Variants in SYN3 observed in about 807,000 individuals in gnomAD.
The protein encoded by SYN3 is synapsin-3.
SYN3 carries 35 observed loss-of-function variants against 65.8 expected under a neutral mutation model. The ratio of observed to expected loss-of-function variants is 0.53; its 90% CI spans 0.41 to 0.70. The LOEUF (loss-of-function observed/expected upper bound fraction) is 0.70, where lower values mean the gene tolerates loss of function less well. Ranked by LOEUF, SYN3 falls within the 30% of genes least tolerant of loss-of-function variation. SYN3 has a pLI of 0.00. For synonymous variants in SYN3, 270 were observed against 292.9 expected (o/e 0.92, Z 0.80); for missense variants, 680 against 749.0 (o/e 0.91, Z 1.08).
intron 6 of SYN3, chr22:32,857,502 T>G: frequency 1.4e-6 from 1 of 725,448 alleles, no homozygotes; most frequent in Non-Finnish European, 2.5e-6. Context: ...TCATCCCACT[T>G]ACCCAGTGCT....
chr22:32,695,639 A>G (rs2060725866), intron 6 of SYN3, among the ~76,000 whole-genome samples: 1 of 152,128 alleles, frequency 6.6e-6, no homozygotes, highest in African/African-American at 2.4e-5. Flanking sequence ...TCTGCTGACA[A>G]GCTGCAAGGC....
At position 33,050,047 on chromosome 22, in the gene SYN3, T is replaced by TA. The variant is rs11366864; in HGVS notation, c.-163+8244dup. The stretch of plus-strand genomic sequence containing the variant: ...TGAGTGTTGTTGTTTTATTTTTTCT[T>TA]AAAAAAAAAAGTTATAAAAATACAA... On this transcript the variant is annotated intron_variant, in intron 1 of 13. Transcript: ENST00000358763. Among the ~76,000 whole-genome samples, 296 of 150,170 alleles carry TA rather than the reference T, an allele frequency of 2.0e-3. 3 individuals carry two copies. The highest frequency in any genetic ancestry group is 6.1e-3 in the African/African-American group (250 of 41,016).
intron 6 of SYN3, 123 bp from the exon 7 acceptor site, chr22:32,596,859 C>T: frequency 1.0e-6 from 1 of 986,538 alleles, no homozygotes. Flanking sequence ...CACAAGAATG[C>T]TTCGACAGAT....
rs916006159 is a variant in SYN3 at position 32,917,148 on chromosome 22, A to C, written c.461+14242T>G. 3.9e-5 allele frequency among the ~76,000 whole-genome samples: 6 copies of C among 152,312 alleles called. 1 individual carries two copies. The highest frequency in any genetic ancestry group is 1.9e-4 in the East Asian group (1 of 5,176). ...CATTTAGTCCTCAAAAAGAGGCATTATTTCCATTTTACAGTTAAGGAACCT... is the reference window on the plus strand; with the variant it reads ...CATTTAGTCCTCAAAAAGAGGCATTCTTTCCATTTTACAGTTAAGGAACCT... On this transcript the variant is annotated intron_variant, in intron 4 of 13. Coordinates refer to ENST00000358763, the MANE Select transcript of SYN3 (RefSeq NM_003490.4).
intron 6 of SYN3, among the ~76,000 whole-genome samples, chr22:32,604,722 A>G (rs927862883): frequency 2.0e-5 from 3 of 152,126 alleles, no homozygotes; most frequent in Admixed American, 1.3e-4. Flanking sequence ...TTATACATTC[A>G]TGACTGGGCG....
intron 7 of SYN3, among the ~76,000 whole-genome samples, chr22:32,551,754 T>G (rs534113173): frequency 1.3e-5 from 2 of 152,324 alleles, no homozygotes; most frequent in South Asian, 4.1e-4. Context: ...GTTAGAAATA[T>G]TCACTGAAAT....
At chr22:32,626,059 G>A (rs2059661855) in intron 6 of SYN3, among the ~76,000 whole-genome samples, 1 of 152,148 alleles carries the variant, frequency 6.6e-6, no homozygotes. Flanking sequence ...AGGTGTTTGA[G>A]ATGGACCTTG....
At chr22:32,903,143 C>G (rs987951900) in intron 4 of SYN3, among the ~76,000 whole-genome samples, 2 of 152,150 alleles carry the variant, frequency 1.3e-5, no homozygotes, top group African/African-American at 4.8e-5. Flanking sequence ...AGTCCATGCT[C>G]TGACTAAAGG....
At chr22:33,054,125 A>G (rs1202789231) in intron 1 of SYN3, among the ~76,000 whole-genome samples, 1 of 152,158 alleles carries the variant, frequency 6.6e-6, no homozygotes, top group East Asian at 1.9e-4. Context: ...GAATGATCCA[A>G]AGCTCTGATT....
intron 8 of SYN3, among the ~76,000 whole-genome samples, chr22:32,539,791 G>GAAAAA (rs57215045): frequency 3.4e-5 from 5 of 147,350 alleles, no homozygotes; most frequent in Admixed American, 6.7e-5. Flanking sequence ...TAATCCTCAA[G>GAAAAA]AAAAAAAAAA....
intron 6 of SYN3, among the ~76,000 whole-genome samples, chr22:32,747,773 G>A (rs1406509356): frequency 6.6e-6 from 1 of 152,220 alleles, no homozygotes; most frequent in African/African-American, 2.4e-5. Context: ...TCATGCACCA[G>A]TGTCAGTGGA....
chr22:32,864,202 C>T (rs2048625449), intron 6 of SYN3, among the ~76,000 whole-genome samples: 1 of 152,206 alleles, frequency 6.6e-6, no homozygotes. Context: ...CAAGGCCAAG[C>T]GCAGGGTCAC....
rs1556145423 is a variant in SYN3, at chr22:33,008,974, G to GAGAA, written c.-162-2151_-162-2150insTTCT. 5.4e-4 allele frequency among the ~76,000 whole-genome samples: 70 copies of GAGAA among 130,012 alleles called. 1 individual carries two copies. Among genetic ancestry groups the GAGAA allele is most frequent in the East Asian group, 5.2e-3 (20 of 3,828 alleles). 85.3% of individuals were successfully genotyped at this position (130,012 alleles called of 152,430 possible). The stretch of plus-strand genomic sequence containing the variant: ...AAAAAAAAAAAAAAAGAGAGAGAGA[G>GAGAA]AAAAGAAAAAGAAAAAAGAAAAAGA... On this transcript the variant is annotated intron_variant, in intron 1 of 13. Transcript: ENST00000358763.
intron 7 of SYN3, among the ~76,000 whole-genome samples, chr22:32,547,053 A>G (rs1046655034): frequency 9.9e-5 from 15 of 152,096 alleles, no homozygotes; most frequent in African/African-American, 3.4e-4. Flanking sequence ...GTCAGGGCTC[A>G]CTGCAACCTC....
chr22:32,604,607 C>CCGT (rs2059340509), intron 6 of SYN3, among the ~76,000 whole-genome samples: 1 of 152,032 alleles, frequency 6.6e-6, no homozygotes. Context: ...AAATTCTGTC[C>CCGT]CTGAAAAGCC....
intron 4 of SYN3, among the ~76,000 whole-genome samples, chr22:32,924,788 G>A (rs758306912): frequency 2.6e-4 from 39 of 152,268 alleles, no homozygotes; most frequent in Non-Finnish European, 4.7e-4. Context: ...GAGGCTAGAA[G>A]TCCAAAATCA....
At chr22:32,885,190 T>C (rs2049255586) in intron 4 of SYN3, among the ~76,000 whole-genome samples, 1 of 152,012 alleles carries the variant, frequency 6.6e-6, no homozygotes, top group Admixed American at 6.6e-5. Flanking sequence ...TGACAGTATC[T>C]GCTTATATCT....
intron 6 of SYN3, among the ~76,000 whole-genome samples, chr22:32,845,417 C>T (rs1055488988): frequency 6.6e-6 from 1 of 152,010 alleles, no homozygotes; most frequent in African/African-American, 2.4e-5. Flanking sequence ...GTCTCAATCT[C>T]TTGACCTCGT....
At chr22:32,564,313 T>C (rs1444091254) in intron 7 of SYN3, among the ~76,000 whole-genome samples, 1 of 152,152 alleles carries the variant, frequency 6.6e-6, no homozygotes, top group Non-Finnish European at 1.5e-5. Flanking sequence ...TTGAGTCACT[T>C]CTTCCAGGTC....
Sources: allele counts gnomAD v4.1 joint callset (sites outside exome capture counted in the v4.1 genomes callset), GRCh38; gene constraint gnomAD v4.1.1; transcripts MANE v1.5; gene names NCBI Gene and HGNC (gene_info 2026-07-23, HGNC 2026-07-21).